The following ESPL1 variants were observed in gnomAD, a reference collection of about 807,000 sequenced individuals.
ESPL1 encodes separin.
In ESPL1, 50 loss-of-function variants were observed where a neutral mutation model predicts 217.2. That is an observed-to-expected ratio of 0.23 (90% CI 0.18 to 0.29). ESPL1 has a LOEUF of 0.29. Among genes scored for constraint, ESPL1 ranks in the 10% least tolerant of loss-of-function variants. The pLI is 1.00. For missense variants in ESPL1, 1,834 were observed against 2,603.0 expected (o/e 0.70, Z 6.43); for synonymous variants, 994 against 1,081.3 (o/e 0.92, Z 1.58).
chr12:53,293,347 G>C lies in ESPL1; in HGVS notation c.6236G>C (p.Gly2079Ala), dbSNP rs761707993. The change falls in exon 31 of 31, where the codon GGC (glycine) becomes GCC (alanine). Residue 2079 changes from glycine to alanine, a missense_variant. This residue lies in a region of ESPL1 where 295 missense variants were observed against 519.8 expected (regional missense o/e 0.57). Transcript: ENST00000257934. This position sits in a 1 kb window ranked among gnomAD's most constrained non-coding sequence, Gnocchi z 4.2. ...CGCTACACGGAAGCTCTGCTGCAAG[G>C]CTGGCTTGGAGCAGGCCCAGGGGCC... is the stretch of plus-strand genomic sequence containing the variant. Reference protein sequence around the residue: ...IDRYTEALLQGWLGAGPGAPL... With the variant: ...IDRYTEALLQAWLGAGPGAPL... The C allele has an allele frequency of 1.8e-5, 29 of 1,614,034 alleles. No individual in the cohort carries two copies. The highest frequency in any genetic ancestry group is 8.9e-5 in the East Asian group (4 of 44,884).
At chr12:53,288,916 A>C (rs961978283) in intron 20 of ESPL1, 174 bp from the exon 21 acceptor site, 1 of 709,564 alleles carries the variant, frequency 1.4e-6, no homozygotes, top group Non-Finnish European at 2.4e-6. Context: ...AGCATGGTGG[A>C]ATAAGTTGAT....
In ESPL1 at chr12:53,275,028, C is replaced by T. The variant is rs373279969; in HGVS notation, c.1700+18C>T. On this transcript the variant is annotated intron_variant, in intron 7 of 30. Coordinates refer to ENST00000257934, the MANE Select transcript of ESPL1 (RefSeq NM_012291.5). ...CAGCTAAAGTGAGTTGAGGGCCAGA[C>T]GCAGTGGCTCATGCTTGTAATCCCA... 42 of 1,501,612 alleles carry T rather than the reference C, an allele frequency of 2.8e-5. No individual in the cohort carries two copies. The highest frequency in any genetic ancestry group is 1.7e-4 in the East Asian group (7 of 41,854). The allele number at this position is 1,501,612 out of a possible 1,614,324, so 93.0% of individuals were successfully genotyped here.
rs1378235731 is a variant in ESPL1 at position 53,290,134 on chromosome 12, G to C, written c.5163G>C (p.Val1721=). 6.2e-7 allele frequency: 1 copy of C among 1,613,772 alleles called. No homozygotes were observed. Among genetic ancestry groups the C allele is most frequent in the Non-Finnish European group, 8.5e-7 (1 of 1,180,046 alleles). The change falls in exon 23 of 31, where the codon GTG becomes GTC. Residue 1721 remains valine, a synonymous_variant. Coordinates refer to ENST00000257934, the MANE Select transcript of ESPL1 (RefSeq NM_012291.5). The stretch of plus-strand genomic sequence containing the variant: ...TGGCCACCCTCCAGCCCGGAACCGT[G>C]GGCAACACCCTCCTGCTGACCCGGC... ...LALATLQPGT[V]GNTLLLTRLE... is the part of the protein sequence containing the mutation.
chr12:53,277,343 T>A, intron 9 of ESPL1, 116 bp downstream of exon 9: 6 of 1,475,490 alleles, frequency 4.1e-6, no homozygotes, highest in Non-Finnish European at 5.5e-6. Context: ...AGATGGGGTC[T>A]CTCTGTTGCC....
intron 2 of ESPL1, 37 bp downstream of exon 2, chr12:53,268,884 TCCA>T (rs1943615748): frequency 2.5e-6 from 4 of 1,570,208 alleles, no homozygotes; most frequent in Non-Finnish European, 3.5e-6. Flanking sequence ...CACCTGGCTT[TCCA>T]AACTGAGCTG....
rs1944089436 is a variant in ESPL1, at chr12:53,293,035, T to C, written c.6161+65T>C. The C allele has an allele frequency of 2.0e-6, 3 of 1,496,200 alleles. No individual in the cohort carries two copies. The highest frequency in any genetic ancestry group is 4.5e-5 in the East Asian group (2 of 44,096). The allele number at this position is 1,496,200 out of a possible 1,614,324, so 92.7% of individuals were successfully genotyped here. On this transcript the variant is annotated intron_variant, in intron 30 of 30. Transcript: ENST00000257934. This position sits in a 1 kb window ranked among gnomAD's most constrained non-coding sequence, Gnocchi z 4.2. ...ACTCCTGCCCTCACCCCAGGTTCTTTCCCAGGTCTGAATCTTGCCTCTCTT... is the reference window on the plus strand; with the variant it reads ...ACTCCTGCCCTCACCCCAGGTTCTTCCCCAGGTCTGAATCTTGCCTCTCTT...
intron 16 of ESPL1, among the ~76,000 whole-genome samples, chr12:53,283,753 T>C (rs1214499607): frequency 6.6e-6 from 1 of 152,234 alleles, no homozygotes; most frequent in Non-Finnish European, 1.5e-5. Context: ...TATGCGGATG[T>C]GCCTTGCAAA....
rs1431945224 is a variant in ESPL1 at position 53,292,396 on chromosome 12, CAG to C, written c.5912+4_5912+5del. The C allele has an allele frequency of 6.2e-7, 1 of 1,603,870 alleles. No homozygotes were observed. Among genetic ancestry groups the C allele is most frequent in the African/African-American group, 1.3e-5 (1 of 74,712 alleles). On this transcript the variant is annotated splice_donor_5th_base_variant and intron_variant, in intron 28 of 30. Transcript: ENST00000257934. This position sits in a 1 kb window ranked among gnomAD's most constrained non-coding sequence, Gnocchi z 4.5. ...CAATTTCGAGCCAATTTCAGCAGGT[CAG>C]GGGCGCGAAGACAAGAAGACGTGTG... is the stretch of plus-strand genomic sequence containing the variant.
chr12:53,292,871 G>A lies in ESPL1; in HGVS notation c.6062G>A (p.Arg2021Gln), dbSNP rs1368108844. The A allele has an allele frequency of 1.9e-6, 3 of 1,613,040 alleles. No individual in the cohort carries two copies. Among genetic ancestry groups the A allele is most frequent in the African/African-American group, 1.3e-5 (1 of 74,910 alleles). ...DGQAVLRLSC[R>Q]AVALLFGCSS... ...CAGGCTGTCCTGCGGCTGAGCTGTCGGGCAGTGGCCCTGCTGTTTGGCTGT... is the reference window on the plus strand; with the variant it reads ...CAGGCTGTCCTGCGGCTGAGCTGTCAGGCAGTGGCCCTGCTGTTTGGCTGT... Residue 2021 changes from arginine (R) to glutamine (Q), a missense_variant, in exon 30 of 31, where the codon CGG becomes CAG. Around this residue, in one of 5 missense-constraint regions of ESPL1, gnomAD observed 295 missense variants for 519.8 expected, o/e 0.57. Transcript: ENST00000257934. The surrounding 1 kb of genome is among the most constrained non-coding windows in gnomAD (Gnocchi z 4.5).
At chr12:53,270,121 G>T (rs2120873643) in intron 3 of ESPL1, 36 bp downstream of exon 3, 1 of 1,531,116 alleles carries the variant, frequency 6.5e-7, no homozygotes, top group Non-Finnish European at 8.9e-7. Flanking sequence ...TGGGGACGTG[G>T]TCTGTGGACT....
Position 53,293,360 on chromosome 12 carries a change from A to G in ESPL1, c.6249A>G (p.Ala2083=). 6.2e-7 allele frequency: 1 copy of G among 1,614,218 alleles called. No homozygotes were observed. The highest frequency in any genetic ancestry group is 8.5e-7 in the Non-Finnish European group (1 of 1,180,016). Reference sequence around the variant, plus strand: ...CTCTGCTGCAAGGCTGGCTTGGAGCAGGCCCAGGGGCCCCCCTTCTCTACT... The same window carrying G: ...CTCTGCTGCAAGGCTGGCTTGGAGCGGGCCCAGGGGCCCCCCTTCTCTACT... ...TEALLQGWLG[A]GPGAPLLYYV... is the part of the protein sequence containing the mutation. Residue 2083 remains alanine (A), a synonymous_variant, in exon 31 of 31, where the codon GCA becomes GCG. Coordinates refer to ENST00000257934, the MANE Select transcript of ESPL1 (RefSeq NM_012291.5). This position sits in a 1 kb window ranked among gnomAD's most constrained non-coding sequence, Gnocchi z 4.2.
intron 9 of ESPL1, 117 bp downstream of exon 9, chr12:53,277,344 C>G: frequency 6.8e-7 from 1 of 1,476,846 alleles, no homozygotes; most frequent in Non-Finnish European, 9.2e-7. Flanking sequence ...GATGGGGTCT[C>G]TCTGTTGCCC....
In ESPL1 at chr12:53,276,627, C is replaced by T. The variant is rs1357222685; in HGVS notation, c.1708C>T (p.Arg570Ter). The T allele has an allele frequency of 4.3e-6, 7 of 1,609,670 alleles. No individual in the cohort carries two copies. The highest frequency in any genetic ancestry group is 5.9e-6 in the Non-Finnish European group (7 of 1,178,454). Residue 570 changes from arginine (R) to a stop codon, truncating the protein, a stop_gained, in exon 8 of 31, where the codon CGA (arginine) becomes TGA (stop). Coordinates refer to ENST00000257934, the MANE Select transcript of ESPL1 (RefSeq NM_012291.5). LOFTEE classifies it high-confidence loss of function. The stretch of plus-strand genomic sequence containing the variant: ...GAGCATGCCCTCTCTCAGGACTCTG[C>T]GAGACAGCCTCAGTGGCTGGGACCC... The part of the protein sequence containing the change: ...GDKELQLKTL[R>*]DSLSGWDPET...
chr12:53,269,943 G>A lies in ESPL1; in HGVS notation c.1001G>A (p.Arg334Gln), dbSNP rs756300792. Residue 334 changes from arginine to glutamine, a missense_variant, in exon 3 of 31, where the codon CGG becomes CAG. Arg to Gln is a conservative substitution (Grantham distance 43, BLOSUM62 1). Transcript: ENST00000257934. The surrounding 1 kb of genome is among the most constrained non-coding windows in gnomAD (Gnocchi z 6.7). ...ATGGAGGCACCATCACCCCCACTTCGGGCATTGTATGAGAGCTGCCAGTTC... is the reference window on the plus strand; with the variant it reads ...ATGGAGGCACCATCACCCCCACTTCAGGCATTGTATGAGAGCTGCCAGTTC... ...KSMEAPSPPL[R>Q]ALYESCQFFL... 7 of 1,614,032 alleles carry A rather than the reference G, an allele frequency of 4.3e-6. No homozygotes were observed. Among genetic ancestry groups the A allele is most frequent in the Admixed American group, 1.7e-5 (1 of 59,984 alleles).
At position 53,281,041 on chromosome 12, in the gene ESPL1, T is replaced by C. The variant is rs530195138; in HGVS notation, c.2500-466T>C. Among the ~76,000 whole-genome samples the C allele has an allele frequency of 2.6e-5, 4 of 150,982 alleles. No homozygotes were observed. The East Asian group carries it at 7.8e-4, about 30-fold the overall frequency. ...AGTGTTAAATGGACATTTTAGAGAG[T>C]GAATCAATAACTCCTATGCAGATTA... On this transcript the variant is annotated intron_variant, in intron 12 of 30. Transcript: ENST00000257934.
chr12:53,283,895 G>A (rs1943903858), intron 16 of ESPL1, among the ~76,000 whole-genome samples, 163 bp from the exon 17 acceptor site: 1 of 152,196 alleles, frequency 6.6e-6, no homozygotes, highest in African/African-American at 2.4e-5. Context: ...GAGAAGTGTA[G>A]AGGGTTTTCC....
chr12:53,283,317 C>A, intron 15 of ESPL1, 60 bp downstream of exon 15: 2 of 1,609,810 alleles, frequency 1.2e-6, no homozygotes, highest in Non-Finnish European at 1.7e-6. Context: ...GAGAGGGCTG[C>A]GGTTTTTTCT....
rs776295755 is a variant in ESPL1, at chr12:53,288,113, G to C, written c.4318G>C (p.Val1440Leu). 1 of 1,613,730 alleles carries C rather than the reference G, an allele frequency of 6.2e-7. No individual in the cohort carries two copies. Among genetic ancestry groups the C allele is most frequent in the South Asian group, 1.1e-5 (1 of 91,066 alleles). Residue 1440 changes from valine to leucine, a missense_variant, in exon 19 of 31, where the codon GTT becomes CTT. Coordinates refer to ENST00000257934, the MANE Select transcript of ESPL1 (RefSeq NM_012291.5). Reference protein sequence around the residue: ...KGLSLKTDAVVAPGSAPGNPG... With the variant: ...KGLSLKTDAVLAPGSAPGNPG... ...CCTGAGCCTAAAGACGGATGCCGTG[G>C]TTGCCCCAGGTAGTGCCCCTGGGAA...
chr12:53,270,135 T>A, intron 3 of ESPL1, 50 bp downstream of exon 3: 1 of 1,468,642 alleles, frequency 6.8e-7, no homozygotes, highest in Non-Finnish European at 9.3e-7. Context: ...GTGGACTCAC[T>A]ACCAGCCTAG....
Sources: allele counts gnomAD v4.1 joint callset (sites outside exome capture counted in the v4.1 genomes callset), GRCh38; gene constraint gnomAD v4.1.1; regional missense constraint gnomAD v4.1.1; non-coding constraint Gnocchi (gnomAD v3.1); transcripts MANE v1.5; gene names NCBI Gene and HGNC (gene_info 2026-07-23, HGNC 2026-07-21).